Variants in MAN2A2 observed in about 807,000 individuals in gnomAD.
The protein encoded by MAN2A2 is alpha-mannosidase 2x.
MAN2A2 carries 79 observed loss-of-function variants against 126.8 expected under a neutral mutation model. That is an observed-to-expected ratio of 0.62 (90% CI 0.52 to 0.75). The LOEUF (loss-of-function observed/expected upper bound fraction) is 0.75. MAN2A2 is among the 30% of genes least tolerant of loss of function. MAN2A2 has a pLI of 0.00. For synonymous variants in MAN2A2, 671 were observed against 618.7 expected (o/e 1.08, Z -1.25); for missense variants, 1,392 against 1,522.4 (o/e 0.91, Z 1.43).
chr15:90,903,170 G>C (rs1252067856), upstream of MAN2A2: 1 of 152,444 alleles, frequency 6.6e-6, no homozygotes, highest in Non-Finnish European at 1.5e-5. Context: ...GAGGGAGCCG[G>C]GCGGGCGGCC....
At chr15:90,911,135 A>G (rs759092303) in intron 12 of MAN2A2, 36 bp from the exon 13 acceptor site, 1 of 1,609,582 alleles carries the variant, frequency 6.2e-7, no homozygotes, top group Admixed American at 1.7e-5. Flanking sequence ...GGCTGAGCCC[A>G]TGATGGTTCT....
intron 17 of MAN2A2, 90 bp downstream of exon 17, chr15:90,913,081 C>T (rs2034891257): frequency 5.0e-6 from 6 of 1,196,602 alleles, no homozygotes; most frequent in Middle Eastern, 1.9e-4. Flanking sequence ...TCTGTTCATA[C>T]CTCTGTTCCG....
In MAN2A2 at chr15:90,904,196, G is replaced by C; in HGVS notation, c.-12G>C. ...ATGGTGTCCTTCCTGCCAGGTGTGT[G>C]TGGAGGCCAGTATGAAGCTGAAAAA... On this transcript the variant is annotated 5_prime_UTR_variant, in exon 2 of 23. Coordinates refer to ENST00000559717, the MANE Select transcript of MAN2A2 (RefSeq NM_006122.4). 2 of 1,614,186 alleles carry C rather than the reference G, an allele frequency of 1.2e-6. No individual in the cohort carries two copies. The highest frequency in any genetic ancestry group is 1.7e-6 in the Non-Finnish European group (2 of 1,180,018).
intron 20 of MAN2A2, chr15:90,916,494 T>G: frequency 1.6e-6 from 2 of 1,277,758 alleles, no homozygotes; most frequent in Admixed American, 4.2e-5. Flanking sequence ...GTCTCCCACT[T>G]TCCTCTGTGC....
intron 8 of MAN2A2, among the ~76,000 whole-genome samples, chr15:90,908,533 A>G (rs190603947): frequency 9.2e-5 from 14 of 152,196 alleles, no homozygotes; most frequent in African/African-American, 2.2e-4. Flanking sequence ...GCACTATTCT[A>G]AGTGTTTAAC....
chr15:90,911,324 C>T, intron 13 of MAN2A2, 61 bp from the exon 14 acceptor site: 2 of 1,613,142 alleles, frequency 1.2e-6, no homozygotes. Flanking sequence ...TGAACCAGTG[C>T]AGGGCGCTTG....
intron 12 of MAN2A2, 46 bp downstream of exon 12, chr15:90,911,007 G>T: frequency 6.4e-7 from 1 of 1,551,020 alleles, no homozygotes. Flanking sequence ...GTGTGTGCAG[G>T]TCCCATCCCA....
chr15:90,917,905 G>A (rs1337082946), intron 20 of MAN2A2: 2 of 370,200 alleles, frequency 5.4e-6, no homozygotes, highest in Non-Finnish European at 1.0e-5. Context: ...TGTGAGGGGA[G>A]ACATGGCTGA....
Position 90,911,195 on chromosome 15 carries a change from G to A in MAN2A2, c.1900G>A (p.Ala634Thr), listed in dbSNP as rs199840427. 15 of 1,613,932 alleles carry A rather than the reference G, an allele frequency of 9.3e-6. No individual in the cohort carries two copies. Among genetic ancestry groups the A allele is most frequent in the South Asian group, 2.2e-5 (2 of 91,068 alleles). The part of the protein sequence containing the change: ...QVDDTRLSHD[A>T]LPERTVIQLD... ...GGATGACACTCGCTTAAGTCACGAC[G>A]CCCTCCCAGAGCGCACGGTGATCCA... Residue 634 changes from alanine (A) to threonine (T), a missense_variant, in exon 13 of 23, where the codon GCC (alanine) becomes ACC (threonine). Coordinates refer to ENST00000559717, the MANE Select transcript of MAN2A2 (RefSeq NM_006122.4).
chr15:90,902,733 C>A (rs900809217), upstream of MAN2A2: 1 of 147,220 alleles, frequency 6.8e-6, no homozygotes, highest in African/African-American at 2.5e-5. Context: ...CCGCCCCGCA[C>A]GCTGCTGGGC....
intron 20 of MAN2A2, among the ~76,000 whole-genome samples, chr15:90,917,390 A>T (rs1400948006): frequency 6.6e-6 from 1 of 152,178 alleles, no homozygotes; most frequent in Non-Finnish European, 1.5e-5. Context: ...CTGAGCAAGG[A>T]GGGACACCGT....
intron 19 of MAN2A2, 54 bp from the exon 20 acceptor site, chr15:90,916,069 T>C (rs2035150146): frequency 6.3e-7 from 1 of 1,590,014 alleles, no homozygotes; most frequent in East Asian, 2.2e-5. Flanking sequence ...CTTTGAAAGG[T>C]CAGTGCCTGC....
intron 19 of MAN2A2, chr15:90,915,604 C>G (rs951579995): frequency 6.6e-6 from 1 of 152,562 alleles, no homozygotes; most frequent in Non-Finnish European, 1.5e-5. Flanking sequence ...ACTTTTAACA[C>G]ACAGACAGTC....
rs1172669100 is a variant in MAN2A2, at chr15:90,905,714, A to G, written c.526A>G (p.Asn176Asp). 5 of 1,613,824 alleles carry G rather than the reference A, an allele frequency of 3.1e-6. No individual in the cohort carries two copies. The highest frequency in any genetic ancestry group is 4.2e-6 in the Non-Finnish European group (5 of 1,179,972). Reference sequence around the variant, plus strand: ...GGTGTTTGTGGTGCCCCACTCTCACAATGACCCAGGTGAGGGCCCTGCAGA... The same window carrying G: ...GGTGTTTGTGGTGCCCCACTCTCACGATGACCCAGGTGAGGGCCCTGCAGA... The part of the protein sequence containing the change: ...LQVFVVPHSH[N>D]DPGWIKTFDK... Residue 176 changes from asparagine to aspartate, a missense_variant, in exon 4 of 23, where the codon AAT becomes GAT. Physicochemically the swap from Asn to Asp is conservative, Grantham distance 23. Transcript: ENST00000559717.
At chr15:90,916,661 G>A in intron 20 of MAN2A2, 1 of 1,294,086 alleles carries the variant, frequency 7.7e-7, no homozygotes, top group Non-Finnish European at 1.0e-6. Flanking sequence ...TAACCGAGAG[G>A]TAAGGGTCGG....
rs1230820680 is a variant in MAN2A2, at chr15:90,906,922, G to A, written c.1009+9G>A. 6.8e-6 allele frequency: 11 copies of A among 1,613,276 alleles called. No homozygotes were observed. Among genetic ancestry groups the A allele is most frequent in the South Asian group, 5.5e-5 (5 of 91,082 alleles). The stretch of plus-strand genomic sequence containing the variant: ...GTGGAGGCAGACATGGGGTAAGGCC[G>A]GGTAGGGTAGAGGGGGTTACTGCAG... On this transcript the variant is annotated intron_variant, in intron 7 of 22. Coordinates refer to ENST00000559717, the MANE Select transcript of MAN2A2 (RefSeq NM_006122.4).
At chr15:90,916,082 G>A in intron 19 of MAN2A2, 41 bp from the exon 20 acceptor site, 1 of 1,605,450 alleles carries the variant, frequency 6.2e-7, no homozygotes, top group Non-Finnish European at 8.5e-7. Context: ...GTGCCTGCTT[G>A]GGGGTGGGGG....
chr15:90,918,466 C>G, intron 21 of MAN2A2, 78 bp downstream of exon 21: 1 of 1,486,736 alleles, frequency 6.7e-7, no homozygotes, highest in Non-Finnish European at 9.2e-7. Context: ...TCCTTAGCCT[C>G]CAGGATGAGG....
chr15:90,913,596 C>T lies in MAN2A2; in HGVS notation c.2719-18C>T, dbSNP rs112119973. The stretch of plus-strand genomic sequence containing the variant: ...ATGGTGCCCGGGTGCCCTTGATCTG[C>T]TGGCCTTGCCCCCACAGGTGCAGCC... On this transcript the variant is annotated intron_variant, in intron 18 of 22. Coordinates refer to ENST00000559717, the MANE Select transcript of MAN2A2 (RefSeq NM_006122.4). 6.6e-4 allele frequency: 1,056 copies of T among 1,603,252 alleles called. 6 individuals carry two copies. In the African/African-American group the frequency reaches 0.012, roughly 19 times the overall value.
Sources: gnomAD v4.1 joint callset for allele counts (sites outside exome capture counted in the v4.1 genomes callset) on GRCh38, gnomAD v4.1.1 for gene constraint, MANE v1.5 for transcripts, NCBI Gene and HGNC (gene_info 2026-07-23, HGNC 2026-07-21) for gene names.